The following DRC11 variants were observed in gnomAD, a reference collection of about 807,000 sequenced individuals.
DRC11 encodes dynein regulatory complex subunit 11.
the DRC11 span, chr2:236,368,631 A>G: frequency 2.1e-4 from 43 of 202,156 alleles, no homozygotes; most frequent in East Asian, 5.7e-3. Flanking sequence ...GGACACACAA[A>G]AAAGGCTGAA....
the DRC11 span, among the ~76,000 whole-genome samples, chr2:236,345,040 TGGGGTGTG>T: frequency 8.6e-5 from 12 of 139,956 alleles, no homozygotes; most frequent in East Asian, 4.2e-4. Flanking sequence ...TGCTTCCCTC[TGGGGTGTG>T]CAGAGCCCTG....
chr2:236,309,991 G>T, the DRC11 span, among the ~76,000 whole-genome samples: 5 of 152,218 alleles, frequency 3.3e-5, no homozygotes, highest in Non-Finnish European at 5.9e-5. This position sits in a 1 kb window ranked among gnomAD's most constrained non-coding sequence, Gnocchi z 5.7. Context: ...AAGCTCTCTG[G>T]TGCTGCCTGT....
chr2:236,413,302 G>A, the DRC11 span, among the ~76,000 whole-genome samples: 2 of 152,204 alleles, frequency 1.3e-5, no homozygotes, highest in Non-Finnish European at 2.9e-5. The surrounding 1 kb of genome is among the most constrained non-coding windows in gnomAD (Gnocchi z 4.0). Context: ...TGGGGTCCCT[G>A]TTCCCTAGGC....
At chr2:236,334,899 G>GGCAC in the DRC11 span, among the ~76,000 whole-genome samples, 1 of 152,040 alleles carries the variant, frequency 6.6e-6, no homozygotes, top group Non-Finnish European at 1.5e-5. The surrounding 1 kb of genome is among the most constrained non-coding windows in gnomAD (Gnocchi z 7.8). Context: ...AGAGGAGGAG[G>GGCAC]GCACTGGGAA....
At chr2:236,418,526 T>C in the DRC11 span, among the ~76,000 whole-genome samples, 3 of 152,210 alleles carry the variant, frequency 2.0e-5, no homozygotes, top group South Asian at 2.1e-4. Flanking sequence ...AAAGTGTTTA[T>C]GCTGAAAGCA....
chr2:236,339,851 T>C, the DRC11 span, among the ~76,000 whole-genome samples: 22 of 152,348 alleles, frequency 1.4e-4, no homozygotes, highest in Middle Eastern at 3.4e-3. Context: ...TCCCCCAACT[T>C]TATTTTTCTT....
the DRC11 span, among the ~76,000 whole-genome samples, chr2:236,372,333 C>T: frequency 6.6e-6 from 1 of 152,064 alleles, no homozygotes; most frequent in East Asian, 1.9e-4. This position sits in a 1 kb window ranked among gnomAD's most constrained non-coding sequence, Gnocchi z 4.5. Flanking sequence ...ACATCGTTTT[C>T]CAGTGGTTGT....
chr2:236,499,024 C>T, the DRC11 span, among the ~76,000 whole-genome samples: 2 of 152,156 alleles, frequency 1.3e-5, no homozygotes, highest in Non-Finnish European at 2.9e-5. The surrounding 1 kb of genome is among the most constrained non-coding windows in gnomAD (Gnocchi z 4.7). Flanking sequence ...AAGGCCTTTC[C>T]CTATGCTAAG....
the DRC11 span, among the ~76,000 whole-genome samples, chr2:236,441,795 A>G: frequency 7.4e-4 from 112 of 152,328 alleles, no homozygotes; most frequent in Non-Finnish European, 1.4e-3. Flanking sequence ...TCTGAGGTTT[A>G]GAGGTGACCA....
At chr2:236,335,171 G>A in the DRC11 span, among the ~76,000 whole-genome samples, 90 of 152,316 alleles carry the variant, frequency 5.9e-4, no homozygotes, top group Non-Finnish European at 9.9e-4. This position sits in a 1 kb window ranked among gnomAD's most constrained non-coding sequence, Gnocchi z 5.6. Context: ...CATTGCGGGT[G>A]GAGAGACAAC....
chr2:236,418,440 T>C, the DRC11 span, among the ~76,000 whole-genome samples: 1 of 152,374 alleles, frequency 6.6e-6, no homozygotes, highest in South Asian at 2.1e-4. Context: ...GGTATCTGAC[T>C]GCAACACACT....
the DRC11 span, among the ~76,000 whole-genome samples, chr2:236,380,261 G>A: frequency 2.0e-5 from 3 of 152,152 alleles, no homozygotes; most frequent in South Asian, 2.1e-4. This position sits in a 1 kb window ranked among gnomAD's most constrained non-coding sequence, Gnocchi z 4.9. Context: ...CAGAGTCTCC[G>A]TATTTCCTCA....
the DRC11 span, among the ~76,000 whole-genome samples, chr2:236,489,581 G>A: frequency 1.3e-5 from 2 of 152,250 alleles, no homozygotes; most frequent in Non-Finnish European, 2.9e-5. Flanking sequence ...CTTGGGGGGT[G>A]TCCATGCATG....
the DRC11 span, among the ~76,000 whole-genome samples, chr2:236,336,013 C>T: frequency 2.0e-5 from 3 of 152,160 alleles, no homozygotes; most frequent in Non-Finnish European, 4.4e-5. The surrounding 1 kb of genome is among the most constrained non-coding windows in gnomAD (Gnocchi z 7.3). Context: ...GTGACTCCTC[C>T]ATCCTGTCTT....
At chr2:236,408,809 C>A in the DRC11 span, 4 of 664,610 alleles carry the variant, frequency 6.0e-6, no homozygotes, top group African/African-American at 7.2e-5. The surrounding 1 kb of genome is among the most constrained non-coding windows in gnomAD (Gnocchi z 5.5). Context: ...TCCACATAGC[C>A]CACAATGCCC....
At chr2:236,352,804 G>C in the DRC11 span, among the ~76,000 whole-genome samples, 1 of 152,216 alleles carries the variant, frequency 6.6e-6, no homozygotes, top group Admixed American at 6.5e-5. The surrounding 1 kb of genome is among the most constrained non-coding windows in gnomAD (Gnocchi z 7.0). Context: ...TAATCCCCTG[G>C]TTTTGAATGT....
chr2:236,448,793 G>C, the DRC11 span, among the ~76,000 whole-genome samples: 596 of 152,280 alleles, frequency 3.9e-3, 5 homozygotes, highest in African/African-American at 0.014. The surrounding 1 kb of genome is among the most constrained non-coding windows in gnomAD (Gnocchi z 5.3). Context: ...TGTAAGTGGG[G>C]GAGCCATGGA....
the DRC11 span, among the ~76,000 whole-genome samples, chr2:236,406,940 T>A: frequency 3.9e-5 from 6 of 152,128 alleles, no homozygotes; most frequent in Non-Finnish European, 8.8e-5. This position sits in a 1 kb window ranked among gnomAD's most constrained non-coding sequence, Gnocchi z 4.7. Flanking sequence ...AGAGATGGGG[T>A]TTCACCATGT....
chr2:236,491,246 G>GTATATATATATATATA, the DRC11 span, among the ~76,000 whole-genome samples: 1 of 23,752 alleles, frequency 4.2e-5, no homozygotes, highest in African/African-American at 2.0e-4. Flanking sequence ...TATATACACA[G>GTATATATATATATATA]TATATATATA....
Sources: allele counts gnomAD v4.1 joint callset (sites outside exome capture counted in the v4.1 genomes callset), GRCh38; gene constraint gnomAD v4.1.1; non-coding constraint Gnocchi (gnomAD v3.1); transcripts MANE v1.5; gene names NCBI Gene and HGNC (gene_info 2026-07-23, HGNC 2026-07-21).